XYLT1: variants seen among roughly 807,000 people sequenced by gnomAD.
XYLT1 encodes beta-D-xylosyltransferase 1.
XYLT1 carries 36 observed loss-of-function variants against 91.3 expected under a neutral mutation model. The ratio of observed to expected loss-of-function variants is 0.39; its 90% CI spans 0.30 to 0.52. XYLT1 has a LOEUF of 0.52. Ranked by LOEUF, XYLT1 falls within the 20% of genes least tolerant of loss-of-function variation. The pLI, the probability that XYLT1 is intolerant of heterozygous loss-of-function variation, is 0.68. For missense variants in XYLT1, 1,242 were observed against 1,284.5 expected (o/e 0.97, Z 0.51); for synonymous variants, 588 against 532.0 (o/e 1.11, Z -1.45).
At chr16:17,243,373 G>T (rs2033379072) in intron 3 of XYLT1, among the ~76,000 whole-genome samples, 2 of 152,136 alleles carry the variant, frequency 1.3e-5, no homozygotes, top group African/African-American at 4.8e-5. Flanking sequence ...CTCCCTAAAG[G>T]TCAAACGAAT....
chr16:17,141,695 C>T (rs1050351223), intron 6 of XYLT1, among the ~76,000 whole-genome samples: 2 of 152,142 alleles, frequency 1.3e-5, no homozygotes, highest in East Asian at 3.9e-4. Flanking sequence ...CTCTAGAGAA[C>T]TTTGGCAACA....
chr16:17,226,417 C>T (rs1337253219), intron 3 of XYLT1, among the ~76,000 whole-genome samples: 3 of 152,230 alleles, frequency 2.0e-5, no homozygotes, highest in Admixed American at 2.0e-4. Context: ...CTGTCCTGTG[C>T]ATTGTGCAGT....
chr16:17,243,814 G>C (rs10163433), intron 3 of XYLT1, among the ~76,000 whole-genome samples: 22,794 of 152,076 alleles, frequency 0.15, 1,922 homozygotes, highest in African/African-American at 0.19. Context: ...AGGGGTGAGG[G>C]GGAGGCTTTT....
At chr16:17,355,915 T>A (rs562481883) in intron 2 of XYLT1, among the ~76,000 whole-genome samples, 1 of 152,236 alleles carries the variant, frequency 6.6e-6, no homozygotes, top group African/African-American at 2.4e-5. Flanking sequence ...GGTTTCACCA[T>A]GTTGGCCAGG....
intron 2 of XYLT1, among the ~76,000 whole-genome samples, chr16:17,316,875 G>A (rs2034641435): frequency 1.3e-5 from 2 of 149,182 alleles, no homozygotes; most frequent in African/African-American, 5.0e-5. Context: ...AGGCTGGAGT[G>A]CAGTGGCGCA....
chr16:17,427,761 A>G (rs931297479), intron 1 of XYLT1, among the ~76,000 whole-genome samples: 8 of 152,214 alleles, frequency 5.3e-5, no homozygotes, highest in African/African-American at 1.9e-4. Context: ...AAAAGGAACC[A>G]TTAGTTCACT....
intron 3 of XYLT1, among the ~76,000 whole-genome samples, chr16:17,207,722 G>T (rs1027690008): frequency 6.6e-6 from 1 of 152,152 alleles, no homozygotes; most frequent in Non-Finnish European, 1.5e-5. Flanking sequence ...ATCAGTCAAC[G>T]GCCCAGACTG....
At chr16:17,442,270 T>A (rs1364056148) in intron 1 of XYLT1, among the ~76,000 whole-genome samples, 2 of 152,218 alleles carry the variant, frequency 1.3e-5, no homozygotes, top group Non-Finnish European at 2.9e-5. Flanking sequence ...GTGTCTCATA[T>A]ACATCCCATT....
intron 2 of XYLT1, among the ~76,000 whole-genome samples, chr16:17,301,864 G>C (rs1420374818): frequency 6.6e-6 from 1 of 152,150 alleles, no homozygotes; most frequent in East Asian, 1.9e-4. Flanking sequence ...TCCTCTTTAT[G>C]CTCCAGTGGT....
chr16:17,118,077 A>G (rs564307092), intron 10 of XYLT1, 98 bp from the exon 11 acceptor site: 9 of 1,250,302 alleles, frequency 7.2e-6, no homozygotes, highest in Non-Finnish European at 8.8e-6. Context: ...TCATATACCC[A>G]TTTTACAGAT....
At chr16:17,267,438 C>T (rs186004364) in intron 2 of XYLT1, among the ~76,000 whole-genome samples, 43 of 152,360 alleles carry the variant, frequency 2.8e-4, no homozygotes, top group Admixed American at 2.0e-3. Flanking sequence ...GACGGAGTCT[C>T]GCTCTGTCGC....
At chr16:17,132,830 G>A (rs951370536) in intron 9 of XYLT1, among the ~76,000 whole-genome samples, 2 of 152,156 alleles carry the variant, frequency 1.3e-5, no homozygotes, top group African/African-American at 4.8e-5. Flanking sequence ...TTGAACCTGG[G>A]AGGTGGAGGT....
chr16:17,322,383 C>G (rs2034737230), intron 2 of XYLT1, among the ~76,000 whole-genome samples: 1 of 152,152 alleles, frequency 6.6e-6, no homozygotes, highest in African/African-American at 2.4e-5. Context: ...ATATAATCAT[C>G]ATCGTCATCA....
chr16:17,470,827 G>T lies in XYLT1; in HGVS notation c.-31C>A. 1.0e-6 allele frequency: 1 copy of T among 987,006 alleles called. No individual in the cohort carries two copies. The highest frequency in any genetic ancestry group is 4.5e-5 in the South Asian group (1 of 22,134). The allele number at this position is 987,006 out of a possible 1,614,324, so 61.1% of individuals were successfully genotyped here. On this transcript the variant is annotated 5_prime_UTR_variant, in exon 1 of 12. Coordinates refer to ENST00000261381, the MANE Select transcript of XYLT1 (RefSeq NM_022166.4). ...GAGCGCGGCCGGCGAGCGAGGCGCG[G>T]GGACCCCGGCACGCTCCGGGCCGCC...
intron 2 of XYLT1, among the ~76,000 whole-genome samples, chr16:17,282,965 C>CCG (rs959617622): frequency 3.3e-5 from 5 of 151,808 alleles, no homozygotes; most frequent in Admixed American, 6.6e-5. Context: ...AAGTCACCCC[C>CCG]CCCAAGTCAC....
Position 17,452,648 on chromosome 16 carries a change from C to T in XYLT1, c.363+17786G>A, listed in dbSNP as rs565661331. 8.5e-5 allele frequency among the ~76,000 whole-genome samples: 13 copies of T among 152,168 alleles called. No homozygotes were observed. In the South Asian group the frequency reaches 2.3e-3, roughly 27 times the overall value. On this transcript the variant is annotated intron_variant, in intron 1 of 11. Transcript: ENST00000261381. Reference sequence around the variant, plus strand: ...AATCTATTCATTGATCTAAGAATTACTTAGAAGAGTTTCGATTGTTTAAAT... The same window carrying T: ...AATCTATTCATTGATCTAAGAATTATTTAGAAGAGTTTCGATTGTTTAAAT...
chr16:17,279,166 CTG>C (rs1252223246), intron 2 of XYLT1, among the ~76,000 whole-genome samples: 4 of 152,172 alleles, frequency 2.6e-5, no homozygotes, highest in Admixed American at 6.5e-5. Flanking sequence ...CAGCGCGGCT[CTG>C]TGATCAGGAG....
intron 1 of XYLT1, among the ~76,000 whole-genome samples, chr16:17,450,726 C>T (rs974578689): frequency 6.6e-6 from 1 of 152,122 alleles, no homozygotes; most frequent in African/African-American, 2.4e-5. Flanking sequence ...CTTTGTCTTG[C>T]GTCGTAAACA....
At position 17,217,378 on chromosome 16, in the gene XYLT1, A is replaced by C. The variant is rs546020596; in HGVS notation, c.914-16724T>G. Reference sequence around the variant, plus strand: ...TACAGAACAATATGAAGTAAAAAAAAACCCAGATATTAGTGCCAAAATATC... The same window carrying C: ...TACAGAACAATATGAAGTAAAAAAACACCCAGATATTAGTGCCAAAATATC... On this transcript the variant is annotated intron_variant, in intron 3 of 11. Coordinates refer to ENST00000261381, the MANE Select transcript of XYLT1 (RefSeq NM_022166.4). Among the ~76,000 whole-genome samples, 19 of 152,338 alleles carry C rather than the reference A, an allele frequency of 1.2e-4. No homozygotes were observed. The South Asian group carries it at 2.7e-3, about 22-fold the overall frequency.
Sources: allele counts gnomAD v4.1 joint callset (sites outside exome capture counted in the v4.1 genomes callset), GRCh38; gene constraint gnomAD v4.1.1; transcripts MANE v1.5; gene names NCBI Gene and HGNC (gene_info 2026-07-23, HGNC 2026-07-21).